CNOT1: variants seen among roughly 807,000 people sequenced by gnomAD.
CNOT1 encodes the protein CCR4-NOT transcription complex subunit 1, also known as CCR4-associated factor 1.
Under a neutral mutation model 273.8 loss-of-function variants are expected in CNOT1, and 15 were observed. That is an observed-to-expected ratio of 0.05 (90% confidence interval 0.04 to 0.08). The LOEUF (loss-of-function observed/expected upper bound fraction) is 0.08, where lower values mean the gene tolerates loss of function less well. CNOT1 is among the 10% of genes least tolerant of loss of function. CNOT1 has a pLI of 1.00. For synonymous variants in CNOT1, 1,022 were observed against 1,005.5 expected (o/e 1.02, Z -0.31); for missense variants, 1,644 against 2,912.2 (o/e 0.56, Z 10.02).
Position 58,547,540 on chromosome 16 carries a change from T to A in CNOT1, c.3639+26A>T. On this transcript the variant is annotated intron_variant, in intron 26 of 48. Transcript: ENST00000317147. This position sits in a 1 kb window ranked among gnomAD's most constrained non-coding sequence, Gnocchi z 4.0. ...ATCATAATGTGCTGAAGATTCTCAA[T>A]TTTTACACATTTAGATGAAACTCAC... 1 of 1,591,110 alleles carries A rather than the reference T, an allele frequency of 6.3e-7. No homozygotes were observed. Among genetic ancestry groups the A allele is most frequent in the South Asian group, 1.1e-5 (1 of 87,918 alleles).
At chr16:58,566,479 C>G (rs959925010) in intron 16 of CNOT1, among the ~76,000 whole-genome samples, 4 of 152,192 alleles carry the variant, frequency 2.6e-5, no homozygotes, top group Non-Finnish European at 4.4e-5. Flanking sequence ...GCAATTTTAA[C>G]AGGCAATTAA....
At chr16:58,562,799 G>A (rs2040905091) in intron 16 of CNOT1, among the ~76,000 whole-genome samples, 1 of 152,066 alleles carries the variant, frequency 6.6e-6, no homozygotes, top group African/African-American at 2.4e-5. Context: ...CTCCAGCCTG[G>A]GTGACAGTGC....
At chr16:58,618,650 C>A (rs1416515896) in intron 1 of CNOT1, among the ~76,000 whole-genome samples, 4 of 140,638 alleles carry the variant, frequency 2.8e-5, no homozygotes, top group Non-Finnish European at 3.1e-5. Context: ...AACCCTGTCT[C>A]AAAAAAAAAA....
intron 2 of CNOT1, among the ~76,000 whole-genome samples, chr16:58,595,108 C>T (rs1317854899): frequency 6.8e-6 from 1 of 147,370 alleles, no homozygotes; most frequent in African/African-American, 2.5e-5. Flanking sequence ...AGTGAGACTC[C>T]GTCAAAAAAA....
At position 58,542,346 on chromosome 16, in the gene CNOT1, A is replaced by C; in HGVS notation, c.4576-11T>G. The C allele has an allele frequency of 1.2e-6, 2 of 1,614,044 alleles. No homozygotes were observed. The highest frequency in any genetic ancestry group is 1.7e-6 in the Non-Finnish European group (2 of 1,180,006). ...TCTCAGCTCAAATTCCTGCAAACAAAAAAAGTCACTGAGGTTCTTGTTATA... is the reference window on the plus strand; with the variant it reads ...TCTCAGCTCAAATTCCTGCAAACAACAAAAGTCACTGAGGTTCTTGTTATA... On this transcript the variant is annotated splice_polypyrimidine_tract_variant and intron_variant, in intron 32 of 48. Coordinates refer to ENST00000317147, the MANE Select transcript of CNOT1 (RefSeq NM_016284.5).
At chr16:58,540,023 T>C (rs2040040516) in intron 34 of CNOT1, 64 bp from the exon 35 acceptor site, 22 of 1,515,918 alleles carry the variant, frequency 1.5e-5, no homozygotes, top group Non-Finnish European at 2.0e-5. Context: ...TATTGACACA[T>C]GTATCAAATA....
At chr16:58,535,308 C>T (rs1322221895) in intron 39 of CNOT1, among the ~76,000 whole-genome samples, 1 of 152,196 alleles carries the variant, frequency 6.6e-6, no homozygotes, top group Non-Finnish European at 1.5e-5. Context: ...GACAGAATGC[C>T]AGCATGGCAA....
chr16:58,560,487 C>T, intron 16 of CNOT1, 125 bp from the exon 17 acceptor site: 1 of 1,432,394 alleles, frequency 7.0e-7, no homozygotes, highest in Non-Finnish European at 9.1e-7. Flanking sequence ...GACTGGAGTG[C>T]AGTAGCACGA....
chr16:58,621,553 A>G (rs1195525420), intron 1 of CNOT1, among the ~76,000 whole-genome samples: 1 of 150,612 alleles, frequency 6.6e-6, no homozygotes, highest in Non-Finnish European at 1.5e-5. Context: ...GATTACAGGC[A>G]TGAGCCACCA....
intron 18 of CNOT1, 55 bp downstream of exon 18, chr16:58,558,418 G>T (rs2040712785): frequency 6.2e-7 from 1 of 1,605,070 alleles, no homozygotes; most frequent in Non-Finnish European, 8.5e-7. Context: ...AAACACTAAG[G>T]CATAACTAAG....
intron 46 of CNOT1, among the ~76,000 whole-genome samples, chr16:58,524,041 G>C (rs934710793): frequency 6.6e-6 from 1 of 151,860 alleles, no homozygotes. Context: ...TGAGGTCAGG[G>C]GTTCAAGACC....
intron 28 of CNOT1, 58 bp downstream of exon 28, chr16:58,546,613 TA>T (rs1233020960): frequency 2.7e-5 from 43 of 1,612,610 alleles, no homozygotes; most frequent in Non-Finnish European, 3.4e-5. Context: ...GCCTTCACTG[TA>T]AGTTTTAATA....
chr16:58,540,729 GT>G (rs1181156956), intron 34 of CNOT1, among the ~76,000 whole-genome samples: 1 of 151,464 alleles, frequency 6.6e-6, no homozygotes, highest in South Asian at 2.1e-4. Flanking sequence ...CAGGAAAAGG[GT>G]TTTTTAAGAA....
intron 22 of CNOT1, among the ~76,000 whole-genome samples, chr16:58,553,154 C>T (rs1355735740): frequency 2.0e-5 from 3 of 152,144 alleles, no homozygotes; most frequent in Non-Finnish European, 2.9e-5. Context: ...TGCCTGTAAT[C>T]GCAGCTACTC....
At chr16:58,589,141 G>A (rs755420585) in intron 2 of CNOT1, among the ~76,000 whole-genome samples, 5 of 152,056 alleles carry the variant, frequency 3.3e-5, no homozygotes, top group Non-Finnish European at 5.9e-5. Context: ...GACTCACAGC[G>A]TCTTCTCGCT....
chr16:58,579,133 T>C (rs1253017616), intron 12 of CNOT1, among the ~76,000 whole-genome samples, 194 bp from the exon 13 acceptor site: 1 of 152,216 alleles, frequency 6.6e-6, no homozygotes, highest in Non-Finnish European at 1.5e-5. Flanking sequence ...TGACTTTAAC[T>C]GAGCCTGAAG....
chr16:58,621,097 C>T (rs2043294971), intron 1 of CNOT1, among the ~76,000 whole-genome samples: 1 of 151,884 alleles, frequency 6.6e-6, no homozygotes. Context: ...CAGCCTCGAC[C>T]TCCCCAGGCT....
At chr16:58,629,356 G>A (rs71389028) in intron 1 of CNOT1, among the ~76,000 whole-genome samples, 7,513 of 152,296 alleles carry the variant, frequency 0.049, 250 homozygotes, top group Middle Eastern at 0.088. Context: ...AGGTCGTGGA[G>A]GTCTCAGAGG....
At chr16:58,523,701 TAAAAATATTCATTTTTA>T in intron 46 of CNOT1, 199 bp from the exon 47 acceptor site, 5 of 451,560 alleles carry the variant, frequency 1.1e-5, no homozygotes, top group South Asian at 9.7e-5. Flanking sequence ...AATTAGATTT[TAAAAATATTCATTTTTA>T]AAAACAGACC....
Sources: allele counts gnomAD v4.1 joint callset (sites outside exome capture counted in the v4.1 genomes callset), GRCh38; gene constraint gnomAD v4.1.1; non-coding constraint Gnocchi (gnomAD v3.1); transcripts MANE v1.5; gene names NCBI Gene and HGNC (gene_info 2026-07-23, HGNC 2026-07-21).